The following ZAR1 variants were observed in gnomAD, a reference collection of about 807,000 sequenced individuals.
ZAR1 encodes zygote arrest 1, also known as zygote arrest protein 1.
A neutral mutation model predicts 38.3 loss-of-function variants in ZAR1; 37 were observed. The observed-to-expected ratio is 0.97, with a 90% CI of 0.74 to 1.27. The LOEUF (loss-of-function observed/expected upper bound fraction) is 1.27, where lower values mean the gene tolerates loss of function less well. Ranked by LOEUF, ZAR1 falls within the 50% of genes most tolerant of loss-of-function variation. The pLI, the probability that ZAR1 is intolerant of heterozygous loss-of-function variation, is 0.00. For missense variants in ZAR1, 651 were observed against 632.4 expected, an observed-to-expected ratio of 1.03 and a Z score of -0.32; for synonymous variants, 336 against 292.0, an observed-to-expected ratio of 1.15 and a Z score of -1.53.
downstream of ZAR1, chr4:48,497,449 G>A (rs973230129): frequency 7.2e-5 from 11 of 152,614 alleles, no homozygotes; most frequent in African/African-American, 2.2e-4. Flanking sequence ...GAAAGGTTTG[G>A]TTGGGTAGTC....
chr4:48,497,558 A>G (rs2067654393), downstream of ZAR1: 1 of 152,628 alleles, frequency 6.6e-6, no homozygotes, highest in Non-Finnish European at 1.5e-5. Context: ...TTAAAATACA[A>G]CACAAACCAA....
Position 48,494,226 on chromosome 4 carries a change from C to G in ZAR1, c.1257C>G (p.Ser419Arg), listed in dbSNP as rs150750718. The G allele has an allele frequency of 3.9e-4, 636 of 1,614,164 alleles. 2 individuals are homozygous for G. Among genetic ancestry groups the G allele is most frequent in the Middle Eastern group, 2.3e-3 (14 of 6,062 alleles). Residue 419 changes from serine (S) to arginine (R), a missense_variant, in exon 4 of 4, where the codon AGC (serine) becomes AGG (arginine). This residue lies in a region of ZAR1 where 129 missense variants were observed against 172.5 expected (regional missense o/e 0.75). Coordinates refer to ENST00000327939, the MANE Select transcript of ZAR1 (RefSeq NM_175619.3). ...GKRLSCDSTF[S>R]FKYII is the part of the protein sequence containing the mutation. ...GCCTGTCCTGTGACAGCACTTTCAG[C>G]TTCAAATACATCATTTAGGTGAAAG...
At chr4:48,496,836 A>G (rs1334310262), downstream of ZAR1, among the ~76,000 whole-genome samples, 1 of 152,208 alleles carries the variant, frequency 6.6e-6, no homozygotes, top group African/African-American at 2.4e-5. Context: ...AAAATGCTAT[A>G]AAATACCAAT....
At chr4:48,495,925 T>C (rs1718584397), downstream of ZAR1, among the ~76,000 whole-genome samples, 1 of 152,182 alleles carries the variant, frequency 6.6e-6, no homozygotes, top group Admixed American at 6.5e-5. Context: ...AGCGCCAGAC[T>C]GGAAGGGTGT....
chr4:48,494,590 C>CT (rs1019735365), downstream of ZAR1, among the ~76,000 whole-genome samples: 5 of 151,886 alleles, frequency 3.3e-5, no homozygotes, highest in South Asian at 2.1e-4. Context: ...TTAGGCAGGT[C>CT]TGGAGGACTG....
At chr4:48,493,095 G>A in intron 3 of ZAR1, 83 bp downstream of exon 3, 1 of 1,315,360 alleles carries the variant, frequency 7.6e-7, no homozygotes. Context: ...TCCAAAAAGA[G>A]GCCAGGCCCC....
At chr4:48,496,729 C>T (rs1205477762), downstream of ZAR1, among the ~76,000 whole-genome samples, 3 of 152,184 alleles carry the variant, frequency 2.0e-5, no homozygotes, top group African/African-American at 4.8e-5. Flanking sequence ...GGAAATACTC[C>T]AAGATGTCTC....
At position 48,490,367 on chromosome 4, in the gene ZAR1, T is replaced by C; in HGVS notation, c.76T>C (p.Tyr26His). The C allele has an allele frequency of 6.6e-7, 1 of 1,505,718 alleles. No homozygotes were observed. Among genetic ancestry groups the C allele is most frequent in the Non-Finnish European group, 8.8e-7 (1 of 1,133,612 alleles). 93.3% of individuals were successfully genotyped at this position (1,505,718 alleles called of 1,614,324 possible). Residue 26 changes from tyrosine (Y) to histidine (H), a missense_variant, in exon 1 of 4, where the codon TAC (tyrosine) becomes CAC (histidine). Around this residue, in one of 2 missense-constraint regions of ZAR1, gnomAD observed 522 missense variants for 459.9 expected, o/e 1.14. Coordinates refer to ENST00000327939, the MANE Select transcript of ZAR1 (RefSeq NM_175619.3). ...ACPPCSYRYP[Y>H]PAATKGKGAA... is the part of the protein sequence containing the mutation. ...CCCCCCCTGCTCGTACCGGTACCCA[T>C]ACCCCGCGGCCACCAAGGGCAAGGG... is the stretch of plus-strand genomic sequence containing the variant.
Position 48,490,839 on chromosome 4 carries a change from C to A in ZAR1, c.548C>A (p.Ser183Ter). 6.7e-7 allele frequency: 1 copy of A among 1,495,612 alleles called. No homozygotes were observed. The highest frequency in any genetic ancestry group is 8.9e-7 in the Non-Finnish European group (1 of 1,129,664). 92.6% of individuals were successfully genotyped at this position (1,495,612 alleles called of 1,614,324 possible). A position where few individuals can be genotyped will look rare whatever the true frequency, so the allele number is the denominator to read the frequency against. ...MRFPRTVAVY[S>*]PLALRRLTAF... is the part of the protein sequence containing the mutation. ...TTCCCGCGCACCGTCGCCGTGTACT[C>A]GCCCCTGGCCTTGCGCCGTCTCACC... The change falls in exon 1 of 4, where the codon TCG becomes TAG. Residue 183 changes from serine (S) to a stop codon, truncating the protein, a stop_gained. Coordinates refer to ENST00000327939, the MANE Select transcript of ZAR1 (RefSeq NM_175619.3). LOFTEE classifies it high-confidence loss of function.
downstream of ZAR1, among the ~76,000 whole-genome samples, chr4:48,494,836 G>C (rs1487106192): frequency 6.6e-6 from 1 of 152,160 alleles, no homozygotes; most frequent in Non-Finnish European, 1.5e-5. Flanking sequence ...AAAGGCTTTA[G>C]TGTCCAGGTG....
Position 48,490,698 on chromosome 4 carries a change from C to G in ZAR1, c.407C>G (p.Ser136Cys). 1 of 1,318,468 alleles carries G rather than the reference C, an allele frequency of 7.6e-7. No individual in the cohort carries two copies. Among genetic ancestry groups the G allele is most frequent in the Non-Finnish European group, 9.6e-7 (1 of 1,038,726 alleles). 81.7% of individuals were successfully genotyped at this position (1,318,468 alleles called of 1,614,324 possible). A position where few individuals can be genotyped will look rare whatever the true frequency, so the allele number is the denominator to read the frequency against. Residue 136 changes from serine (S) to cysteine (C), a missense_variant, in exon 1 of 4, where the codon TCC becomes TGC. Ser to Cys is a moderately radical substitution (Grantham distance 112). This residue lies in a region of ZAR1 where 522 missense variants were observed against 459.9 expected (regional missense o/e 1.14). Coordinates refer to ENST00000327939, the MANE Select transcript of ZAR1 (RefSeq NM_175619.3). ...CAGCGCCGGGCCCGCGACCCCGAGT[C>G]CCCGGCCGGCCCCGGGGCCGAGGGC... ...TLQRRARDPE[S>C]PAGPGAEGTT...
chr4:48,491,106 C>T lies in ZAR1; in HGVS notation c.815C>T (p.Ala272Val). ...LPPREAQEGEAAPRSALRSPG... is the reference protein window; with the variant it reads ...LPPREAQEGEVAPRSALRSPG... ...CCGCGAGAGGCCCAGGAGGGCGAGGCGGCTCCGCGGTCGGCGCTAAGGAGC... is the reference window on the plus strand; with the variant it reads ...CCGCGAGAGGCCCAGGAGGGCGAGGTGGCTCCGCGGTCGGCGCTAAGGAGC... Residue 272 changes from alanine to valine, a missense_variant, in exon 1 of 4, where the codon GCG becomes GTG. By Grantham distance (64) the Ala-to-Val change is moderately conservative (BLOSUM62 0). Coordinates refer to ENST00000327939, the MANE Select transcript of ZAR1 (RefSeq NM_175619.3). 4.7e-6 allele frequency: 6 copies of T among 1,270,294 alleles called. No homozygotes were observed. Among genetic ancestry groups the T allele is most frequent in the South Asian group, 2.8e-5 (1 of 35,848 alleles). 78.7% of individuals were successfully genotyped at this position (1,270,294 alleles called of 1,614,324 possible). A position where few individuals can be genotyped will look rare whatever the true frequency, so the allele number is the denominator to read the frequency against.
chr4:48,496,737 C>G (rs76127460), downstream of ZAR1, among the ~76,000 whole-genome samples: 8,828 of 152,234 alleles, frequency 0.058, 352 homozygotes, highest in Non-Finnish European at 0.089. Flanking sequence ...TCCAAGATGT[C>G]TCTGGGTATC....
At chr4:48,493,751 G>C (rs1718509407) in intron 3 of ZAR1, among the ~76,000 whole-genome samples, 1 of 152,194 alleles carries the variant, frequency 6.6e-6, no homozygotes, top group African/African-American at 2.4e-5. Context: ...TCAGAGCTGG[G>C]CATGTTTCTA....
downstream of ZAR1, among the ~76,000 whole-genome samples, chr4:48,495,344 C>T (rs1718555665): frequency 6.6e-6 from 1 of 152,156 alleles, no homozygotes; most frequent in Non-Finnish European, 1.5e-5. Flanking sequence ...TAAGTGAACC[C>T]CTTACTACCT....
Position 48,490,894 on chromosome 4 carries a change from G to T in ZAR1, c.603G>T (p.Ala201=). ...TCCTGGAGGGGCCCGGGCCCGCGGC[G>T]GGCGAGCAGAGGTCCGGGGCGTCGG... The part of the protein sequence containing the change: ...TAFLEGPGPA[A]GEQRSGASDG... Residue 201 remains alanine, a synonymous_variant, in exon 1 of 4, where the codon GCG becomes GCT. Transcript: ENST00000327939. 3.6e-6 allele frequency: 5 copies of T among 1,394,772 alleles called. No individual in the cohort carries two copies. Among genetic ancestry groups the T allele is most frequent in the Non-Finnish European group, 4.6e-6 (5 of 1,078,776 alleles). The allele number at this position is 1,394,772 out of a possible 1,614,324, so 86.4% of individuals were successfully genotyped here.
At chr4:48,494,458 TGGGCCTG>T, downstream of ZAR1, 1 of 583,600 alleles carries the variant, frequency 1.7e-6, no homozygotes. Context: ...GCTAACAGTC[TGGGCCTG>T]TCACTTCACC....
Position 48,490,653 on chromosome 4 carries a change from C to T in ZAR1, c.362C>T (p.Ser121Leu), listed in dbSNP as rs1455938665. The change falls in exon 1 of 4, where the codon TCG (serine) becomes TTG (leucine). Residue 121 changes from serine to leucine, a missense_variant. Coordinates refer to ENST00000327939, the MANE Select transcript of ZAR1 (RefSeq NM_175619.3). ...CGCATCGACGCCGCGGTACAGTGCTCGCTGGGGAGGCGCACGCTGCAGCGC... is the reference window on the plus strand; with the variant it reads ...CGCATCGACGCCGCGGTACAGTGCTTGCTGGGGAGGCGCACGCTGCAGCGC... ...SPRIDAAVQC[S>L]LGRRTLQRRA... 9 of 1,337,632 alleles carry T rather than the reference C, an allele frequency of 6.7e-6. No homozygotes were observed. Among genetic ancestry groups the T allele is most frequent in the Middle Eastern group, 5.5e-4 (2 of 3,658 alleles). The allele number at this position is 1,337,632 out of a possible 1,614,324, so 82.9% of individuals were successfully genotyped here.
At position 48,493,004 on chromosome 4, in the gene ZAR1, A is replaced by G. The variant is rs538867492; in HGVS notation, c.1123A>G (p.Thr375Ala). 3.1e-6 allele frequency: 5 copies of G among 1,614,162 alleles called. No individual in the cohort carries two copies. Among genetic ancestry groups the G allele is most frequent in the Non-Finnish European group, 4.2e-6 (5 of 1,180,012 alleles). The stretch of plus-strand genomic sequence containing the variant: ...TAACCCTTACCGAGTGGAGGATATC[A>G]CCTGTCAAGTAAATCAGATGTTTTG... ...SYNPYRVEDI[T>A]CQSCKQTRCS... The change falls in exon 3 of 4, where the codon ACC becomes GCC. Residue 375 changes from threonine to alanine, a missense_variant. Physicochemically the swap from Thr to Ala is moderately conservative, Grantham distance 58. Around this residue, in one of 2 missense-constraint regions of ZAR1, gnomAD observed 129 missense variants for 172.5 expected, o/e 0.75. Coordinates refer to ENST00000327939, the MANE Select transcript of ZAR1 (RefSeq NM_175619.3).
Sources: allele counts gnomAD v4.1 joint callset (sites outside exome capture counted in the v4.1 genomes callset), GRCh38; gene constraint gnomAD v4.1.1; regional missense constraint gnomAD v4.1.1; transcripts MANE v1.5; gene names NCBI Gene and HGNC (gene_info 2026-07-23, HGNC 2026-07-21).